ZNF804B: variants seen among roughly 807,000 people sequenced by gnomAD.
The protein encoded by ZNF804B is zinc finger 804B.
A neutral mutation model predicts 101.4 loss-of-function variants in ZNF804B; 80 were observed. The observed-to-expected ratio is 0.79, with a 90% CI of 0.66 to 0.95. ZNF804B has a LOEUF of 0.95. ZNF804B is among the 40% of genes least tolerant of loss of function. ZNF804B has a pLI of 0.00. For missense variants in ZNF804B, 1,673 were observed against 1,561.9 expected (o/e 1.07, Z -1.20); for synonymous variants, 622 against 558.8 (o/e 1.11, Z -1.59).
At chr7:88,763,980 AGT>A (rs1789941106) in intron 1 of ZNF804B, among the ~76,000 whole-genome samples, 1 of 152,082 alleles carries the variant, frequency 6.6e-6, no homozygotes, top group East Asian at 1.9e-4. Context: ...TAACTTAATC[AGT>A]AATTAAGCTA....
At chr7:88,878,729 C>G (rs180781934) in intron 1 of ZNF804B, among the ~76,000 whole-genome samples, 4 of 152,252 alleles carry the variant, frequency 2.6e-5, no homozygotes, top group Admixed American at 2.0e-4. Context: ...TTAACTAATA[C>G]AAATGCATCC....
At chr7:89,110,390 G>A (rs1790199515) in intron 1 of ZNF804B, among the ~76,000 whole-genome samples, 1 of 152,122 alleles carries the variant, frequency 6.6e-6, no homozygotes, top group African/African-American at 2.4e-5. Flanking sequence ...GTGGTAGATG[G>A]GTTTGAGTTG....
At chr7:89,267,120 T>C (rs1367683505) in intron 2 of ZNF804B, among the ~76,000 whole-genome samples, 1 of 152,150 alleles carries the variant, frequency 6.6e-6, no homozygotes, top group African/African-American at 2.4e-5. Flanking sequence ...TTTATGTCCT[T>C]ATATTCCCTC....
At chr7:89,298,203 T>G (rs1790415052) in intron 2 of ZNF804B, among the ~76,000 whole-genome samples, 1 of 65,342 alleles carries the variant, frequency 1.5e-5, no homozygotes, top group East Asian at 7.6e-4. Flanking sequence ...ATCTATATAG[T>G]GTGTGTGTGT....
At position 89,122,944 on chromosome 7, in the gene ZNF804B, C is replaced by G. The variant is rs143707601; in HGVS notation, c.109-95211C>G. 1.4e-3 allele frequency among the ~76,000 whole-genome samples: 208 copies of G among 152,262 alleles called. 1 individual carries two copies. Among genetic ancestry groups the G allele is most frequent in the Non-Finnish European group, 2.6e-3 (174 of 68,016 alleles). ...TCCTAGTTTCATTATAATCTGCCTT[C>G]CGCCTAATCTGTCCTGGCTATTGCC... On this transcript the variant is annotated intron_variant, in intron 1 of 3. Coordinates refer to ENST00000333190, the MANE Select transcript of ZNF804B (RefSeq NM_181646.5).
chr7:88,874,986 G>C (rs1406985768), intron 1 of ZNF804B, among the ~76,000 whole-genome samples: 3 of 130,634 alleles, frequency 2.3e-5, no homozygotes, highest in Non-Finnish European at 4.7e-5. Flanking sequence ...AATCAAACTA[G>C]AACTGAGGAT....
intron 1 of ZNF804B, among the ~76,000 whole-genome samples, chr7:89,169,449 C>A (rs1391643378): frequency 6.6e-6 from 1 of 152,146 alleles, no homozygotes; most frequent in Non-Finnish European, 1.5e-5. Context: ...CTCTTTACTA[C>A]CTGATTGGTC....
intron 1 of ZNF804B, among the ~76,000 whole-genome samples, chr7:88,761,778 T>TA (rs1438419316): frequency 6.6e-6 from 1 of 152,198 alleles, no homozygotes; most frequent in East Asian, 1.9e-4. Flanking sequence ...TTCATAATCT[T>TA]ACACGGTTTA....
At chr7:89,219,558 AT>A (rs1175242852) in intron 2 of ZNF804B, among the ~76,000 whole-genome samples, 1 of 151,640 alleles carries the variant, frequency 6.6e-6, no homozygotes, top group Non-Finnish European at 1.5e-5. Context: ...GGAAGAGGCT[AT>A]TGTTCTCATC....
chr7:89,228,911 C>T (rs180849447), intron 2 of ZNF804B, among the ~76,000 whole-genome samples: 2,077 of 152,290 alleles, frequency 0.014, 21 homozygotes, highest in Non-Finnish European at 0.023. Context: ...CGGAGCCCTG[C>T]CCCGCGGGAA....
At chr7:89,119,090 T>C (rs1790360169) in intron 1 of ZNF804B, among the ~76,000 whole-genome samples, 2 of 152,138 alleles carry the variant, frequency 1.3e-5, no homozygotes, top group South Asian at 4.1e-4. Context: ...AGAGTAAGGG[T>C]ATAACATTTT....
At chr7:89,275,370 A>C (rs1789965756) in intron 2 of ZNF804B, among the ~76,000 whole-genome samples, 1 of 151,982 alleles carries the variant, frequency 6.6e-6, no homozygotes, top group African/African-American at 2.4e-5. Flanking sequence ...ATCTATTCCC[A>C]AAAGAGTAGT....
At chr7:88,927,990 A>G (rs1357256323) in intron 1 of ZNF804B, among the ~76,000 whole-genome samples, 8 of 152,006 alleles carry the variant, frequency 5.3e-5, no homozygotes, top group Non-Finnish European at 1.0e-4. Context: ...ATCTCCTACC[A>G]AACCTCATCA....
intron 1 of ZNF804B, among the ~76,000 whole-genome samples, chr7:88,852,189 C>T (rs1791458289): frequency 6.6e-6 from 1 of 152,032 alleles, no homozygotes. Flanking sequence ...GCCTGACACC[C>T]CAAGAGCATC....
intron 1 of ZNF804B, among the ~76,000 whole-genome samples, chr7:89,203,467 A>C (rs1788674745): frequency 6.6e-6 from 1 of 152,098 alleles, no homozygotes; most frequent in African/African-American, 2.4e-5. Flanking sequence ...CTCAAAGTAA[A>C]CTAGCATTTT....
chr7:88,957,618 GA>G (rs1351981753), intron 1 of ZNF804B, among the ~76,000 whole-genome samples: 6 of 151,172 alleles, frequency 4.0e-5, no homozygotes, highest in Non-Finnish European at 8.9e-5. Context: ...CTGAAGTTTT[GA>G]AAAATTTTAT....
intron 1 of ZNF804B, among the ~76,000 whole-genome samples, chr7:89,093,693 C>G (rs1789928697): frequency 6.6e-6 from 1 of 152,214 alleles, no homozygotes; most frequent in Admixed American, 6.5e-5. Flanking sequence ...GTTCAATCTG[C>G]AGACTTCTAT....
chr7:88,886,585 G>A (rs992354437), intron 1 of ZNF804B, among the ~76,000 whole-genome samples: 2 of 151,706 alleles, frequency 1.3e-5, no homozygotes, highest in African/African-American at 2.4e-5. Context: ...AACTAATAAT[G>A]CATTATTTTA....
chr7:88,959,670 C>T (rs927450501), intron 1 of ZNF804B, among the ~76,000 whole-genome samples: 35 of 151,336 alleles, frequency 2.3e-4, no homozygotes, highest in African/African-American at 8.5e-4. Flanking sequence ...AACGTGTTTG[C>T]ATACTGATAG....
Sources: gnomAD v4.1 joint callset for allele counts (sites outside exome capture counted in the v4.1 genomes callset) on GRCh38, gnomAD v4.1.1 for gene constraint, MANE v1.5 for transcripts, NCBI Gene and HGNC (gene_info 2026-07-23, HGNC 2026-07-21) for gene names.